ESR1: variants seen among roughly 807,000 people sequenced by gnomAD.
ESR1 encodes the protein estrogen receptor.
ESR1 carries 12 observed loss-of-function variants against 52.7 expected under a neutral mutation model. The observed-to-expected ratio is 0.23, with a 90% CI of 0.15 to 0.37. The LOEUF (loss-of-function observed/expected upper bound fraction) is 0.37, where lower values mean the gene tolerates loss of function less well. Among genes scored for constraint, ESR1 ranks in the 10% least tolerant of loss-of-function variants. The pLI is 1.00. For missense variants in ESR1, 584 were observed against 779.7 expected, an observed-to-expected ratio of 0.75 and a Z score of 2.99; for synonymous variants, 305 against 316.8, an observed-to-expected ratio of 0.96 and a Z score of 0.39.
At chr6:152,023,249 C>T (rs559399329) in intron 5 of ESR1, among the ~76,000 whole-genome samples, 2 of 152,120 alleles carry the variant, frequency 1.3e-5, no homozygotes, top group African/African-American at 4.8e-5. Context: ...GTGAGGAAAA[C>T]AGTGGGGCTC....
chr6:151,666,974 G>A lies in ESR1; in HGVS notation n.73+10211G>A, dbSNP rs1334428187. Among the ~76,000 whole-genome samples, 6 of 152,132 alleles carry A rather than the reference G, an allele frequency of 3.9e-5. No individual in the cohort carries two copies. In the East Asian group the frequency reaches 7.7e-4, roughly 20 times the overall value. ...AAAGGGAAGGCAGGAGAGGAGAGAG[G>A]TGGGGAAAATGGAAGGGTAGTTGAA... On this transcript the variant is annotated intron_variant and non_coding_transcript_variant, in intron 1 of 2. Transcript: ENST00000473497.
At chr6:151,900,395 G>A (rs1221034934) in intron 3 of ESR1, among the ~76,000 whole-genome samples, 1 of 152,050 alleles carries the variant, frequency 6.6e-6, no homozygotes, top group African/African-American at 2.4e-5. Context: ...TTTCTCTGGT[G>A]CCTCCTTAAT....
At chr6:152,003,443 T>C (rs1446326711) in intron 4 of ESR1, among the ~76,000 whole-genome samples, 1 of 151,708 alleles carries the variant, frequency 6.6e-6, no homozygotes, top group African/African-American at 2.4e-5. Flanking sequence ...AGGTACCTAG[T>C]AATTCAATAA....
At chr6:152,086,200 A>G (rs796441650) in intron 6 of ESR1, among the ~76,000 whole-genome samples, 1 of 152,222 alleles carries the variant, frequency 6.6e-6, no homozygotes, top group African/African-American at 2.4e-5. Context: ...CCTTGGGAAG[A>G]TAGTAACTGA....
At chr6:151,672,930 G>C (rs1041834272) in intron 1 of ESR1, among the ~76,000 whole-genome samples, 14 of 149,224 alleles carry the variant, frequency 9.4e-5, no homozygotes, top group Admixed American at 7.4e-4. Context: ...CCGGGTTCAC[G>C]CCATTCTCCT....
At chr6:151,688,988 G>A (rs1778795622), upstream of ESR1, among the ~76,000 whole-genome samples, 1 of 152,064 alleles carries the variant, frequency 6.6e-6, no homozygotes, top group African/African-American at 2.4e-5. Flanking sequence ...GGATAATTAA[G>A]TTAATTTATA....
intron 2 of ESR1, among the ~76,000 whole-genome samples, chr6:151,787,832 T>C (rs1787167283): frequency 6.6e-6 from 1 of 152,240 alleles, no homozygotes; most frequent in South Asian, 2.1e-4. Context: ...TTGGATGTGC[T>C]ATATTTCTTT....
chr6:152,024,062 G>A (rs1584869354), intron 5 of ESR1, among the ~76,000 whole-genome samples: 1 of 152,128 alleles, frequency 6.6e-6, no homozygotes, highest in East Asian at 1.9e-4. Flanking sequence ...TTCATATACA[G>A]TATGCAATAA....
chr6:151,681,880 G>T (rs1449455794), intron 1 of ESR1, among the ~76,000 whole-genome samples: 1 of 152,160 alleles, frequency 6.6e-6, no homozygotes, highest in Non-Finnish European at 1.5e-5. Context: ...CAGTTGTAGT[G>T]ATTCCGGAAG....
At chr6:151,764,860 C>G (rs992341206) in intron 2 of ESR1, among the ~76,000 whole-genome samples, 3 of 152,148 alleles carry the variant, frequency 2.0e-5, no homozygotes, top group African/African-American at 7.2e-5. Flanking sequence ...TCATGTGATT[C>G]TGTAAGCACT....
chr6:152,110,595 G>A (rs191816049), intron 6 of ESR1, among the ~76,000 whole-genome samples: 7 of 152,136 alleles, frequency 4.6e-5, no homozygotes, highest in South Asian at 2.1e-4. Context: ...TAATACCTGC[G>A]CGACAAAATA....
chr6:152,084,878 A>C lies in ESR1; in HGVS notation c.1370-9507A>C, dbSNP rs140319544. Among the ~76,000 whole-genome samples, 212 of 152,340 alleles carry C rather than the reference A, an allele frequency of 1.4e-3. 2 individuals are homozygous for C. In the East Asian group the frequency reaches 0.027, roughly 20 times the overall value. On this transcript the variant is annotated intron_variant, in intron 6 of 7. Coordinates refer to ENST00000206249, the MANE Select transcript of ESR1 (RefSeq NM_000125.4). ...ATCTTTACCAGTTAGGGGATGATCC[A>C]TGTGTTTTGATAATCACCTTGGTGG... is the stretch of plus-strand genomic sequence containing the variant.
At chr6:151,912,463 T>A (rs1023976670) in intron 3 of ESR1, among the ~76,000 whole-genome samples, 1 of 152,220 alleles carries the variant, frequency 6.6e-6, no homozygotes, top group Non-Finnish European at 1.5e-5. Context: ...GTTATCTCCT[T>A]TGCAATCCAT....
At chr6:151,998,339 T>C (rs1160837578) in intron 4 of ESR1, among the ~76,000 whole-genome samples, 1 of 152,096 alleles carries the variant, frequency 6.6e-6, no homozygotes, top group Non-Finnish European at 1.5e-5. Flanking sequence ...AAGAGGATAT[T>C]ATAGTTGCCA....
At chr6:151,705,628 A>G (rs1443552913) in intron 2 of ESR1, among the ~76,000 whole-genome samples, 1 of 152,148 alleles carries the variant, frequency 6.6e-6, no homozygotes, top group Non-Finnish European at 1.5e-5. Flanking sequence ...TTTAGGACAA[A>G]TTACTTCTCT....
chr6:151,810,688 TCA>T (rs1030422865), intron 1 of ESR1, among the ~76,000 whole-genome samples: 1 of 152,176 alleles, frequency 6.6e-6, no homozygotes, highest in Non-Finnish European at 1.5e-5. Context: ...ATAGAAAATA[TCA>T]GAGTGCATGG....
chr6:152,072,639 C>T (rs2128990171), intron 6 of ESR1, among the ~76,000 whole-genome samples: 1 of 152,336 alleles, frequency 6.6e-6, no homozygotes, highest in East Asian at 1.9e-4. Flanking sequence ...GGACCAAGTG[C>T]TGTCTACTCT....
At chr6:151,681,690 G>A (rs1778464962) in intron 1 of ESR1, among the ~76,000 whole-genome samples, 1 of 152,310 alleles carries the variant, frequency 6.6e-6, no homozygotes, top group Non-Finnish European at 1.5e-5. Flanking sequence ...ATAATGCACA[G>A]ATTCTTCGGG....
At chr6:151,949,849 G>A (rs1469584047) in intron 4 of ESR1, among the ~76,000 whole-genome samples, 1 of 152,196 alleles carries the variant, frequency 6.6e-6, no homozygotes, top group Non-Finnish European at 1.5e-5. Context: ...TTCTCATCTT[G>A]AGAGTATTTG....
Sources: allele counts gnomAD v4.1 joint callset (sites outside exome capture counted in the v4.1 genomes callset), GRCh38; gene constraint gnomAD v4.1.1; transcripts MANE v1.5; gene names NCBI Gene and HGNC (gene_info 2026-07-23, HGNC 2026-07-21).